Variants in DSC2 observed in about 807,000 individuals in gnomAD.
The protein encoded by DSC2 is desmocollin-2.
DSC2 carries 51 observed loss-of-function variants against 87.6 expected under a neutral mutation model. The observed-to-expected ratio is 0.58, with a 90% CI of 0.46 to 0.74. The LOEUF is 0.74. Among genes scored for constraint, DSC2 ranks in the 30% least tolerant of loss-of-function variants. The pLI is 0.00. For missense variants in DSC2, 1,066 were observed against 1,089.5 expected (o/e 0.98, Z 0.30); for synonymous variants, 383 against 393.2 (o/e 0.97, Z 0.31).
intron 7 of DSC2, among the ~76,000 whole-genome samples, chr18:31,084,735 A>G (rs1365675662): frequency 6.6e-6 from 1 of 151,880 alleles, no homozygotes; most frequent in Non-Finnish European, 1.5e-5. Flanking sequence ...TAGTTTTATG[A>G]AAGTATTTTG....
Position 31,082,804 on chromosome 18 carries a change from C to T in DSC2, c.1077+122G>A, listed in dbSNP as rs796711361. The T allele has an allele frequency of 9.9e-6, 11 of 1,112,860 alleles. No individual in the cohort carries two copies. The East Asian group carries it at 1.0e-4, about 11-fold the overall frequency. The allele number at this position is 1,112,860 out of a possible 1,614,324, so 68.9% of individuals were successfully genotyped here. A position where few individuals can be genotyped will look rare whatever the true frequency, so the allele number is the denominator to read the frequency against. The stretch of plus-strand genomic sequence containing the variant: ...AACTCCTGACCTCAGGTGATCCGCC[C>T]GCCTCGGCCTCCCAAAGTGCTGAGA... On this transcript the variant is annotated intron_variant, in intron 8 of 15. Transcript: ENST00000280904.
chr18:31,084,914 A>G (rs1007592155), intron 7 of DSC2, among the ~76,000 whole-genome samples: 1 of 152,082 alleles, frequency 6.6e-6, no homozygotes. Flanking sequence ...CAATGTGTCA[A>G]TATTTGGAAG....
At position 31,091,129 on chromosome 18, in the gene DSC2, T is replaced by C. The variant is rs369061469; in HGVS notation, c.373A>G (p.Thr125Ala). 63 of 1,613,886 alleles carry C rather than the reference T, an allele frequency of 3.9e-5. No individual in the cohort carries two copies. The highest frequency in any genetic ancestry group is 5.3e-5 in the Non-Finnish European group (62 of 1,179,918). Residue 125 changes from threonine (T) to alanine (A), a missense_variant, in exon 4 of 16, where the codon ACT becomes GCT. By Grantham distance (58) the Thr-to-Ala change is moderately conservative. Coordinates refer to ENST00000280904, the MANE Select transcript of DSC2 (RefSeq NM_024422.6). ...HQTKVLKKRH[T>A]KEKVLRRAKR... is the part of the protein sequence containing the mutation. Reference sequence around the variant, plus strand: ...GCGCGCCTTAGAACTTTTTCTTTAGTATGTCTTTTCTTTAGGACCTCAATT... The same window carrying C: ...GCGCGCCTTAGAACTTTTTCTTTAGCATGTCTTTTCTTTAGGACCTCAATT...
intron 11 of DSC2, among the ~76,000 whole-genome samples, chr18:31,075,665 A>T (rs1267550029): frequency 2.0e-5 from 3 of 152,186 alleles, no homozygotes; most frequent in African/African-American, 7.2e-5. Context: ...AGCCTGACCA[A>T]CATGGAGAAA....
intron 11 of DSC2, among the ~76,000 whole-genome samples, chr18:31,079,234 TTTTG>T (rs1987122470): frequency 6.6e-6 from 1 of 151,950 alleles, no homozygotes; most frequent in South Asian, 2.1e-4. Context: ...CAAGTTTTGT[TTTTG>T]TTTTTGTTTT....
chr18:31,065,671 C>A lies in DSC2; in HGVS notation c.*2344G>T, dbSNP rs1054302108. On this transcript the variant is annotated 3_prime_UTR_variant, in exon 16 of 16. Coordinates refer to ENST00000280904, the MANE Select transcript of DSC2 (RefSeq NM_024422.6). ...GGGAAGAAGCCAAGGAAGGGATTGA[C>A]AGGGAGAATCTAAAATACACATAAT... 6.6e-6 allele frequency: 1 copy of A among 152,070 alleles called. No individual in the cohort carries two copies. The highest frequency in any genetic ancestry group is 2.4e-5 in the African/African-American group (1 of 41,338). 9.4% of individuals were successfully genotyped at this position (152,070 alleles called of 1,614,324 possible).
At position 31,067,803 on chromosome 18, in the gene DSC2, G is replaced by T. The variant is rs1027641168; in HGVS notation, c.*212C>A. On this transcript the variant is annotated 3_prime_UTR_variant, in exon 16 of 16. Transcript: ENST00000280904. ...TCTCTGTAGACCTCCTTGGATAGAA[G>T]ATAAGTAATTTAAAAATATGTAAAA... 4.2e-5 allele frequency: 23 copies of T among 545,966 alleles called. No homozygotes were observed. The highest frequency in any genetic ancestry group is 7.1e-5 in the Non-Finnish European group (22 of 308,000). The allele number at this position is 545,966 out of a possible 1,614,324, so 33.8% of individuals were successfully genotyped here.
chr18:31,087,749 T>A lies in DSC2; in HGVS notation c.695A>T (p.Lys232Ile). The A allele has an allele frequency of 6.2e-7, 1 of 1,613,898 alleles. No individual in the cohort carries two copies. The highest frequency in any genetic ancestry group is 8.5e-7 in the Non-Finnish European group (1 of 1,179,848). ...TPELPLPLII[K>I]IEDENDNYPI... Reference sequence around the variant, plus strand: ...GTAGTTATCATTTTCATCCTCTATTTTGATTATTAGGGGCAGTGGAAGTTC... The same window carrying A: ...GTAGTTATCATTTTCATCCTCTATTATGATTATTAGGGGCAGTGGAAGTTC... Residue 232 changes from lysine to isoleucine, a missense_variant, in exon 6 of 16, where the codon AAA (lysine) becomes ATA (isoleucine). Coordinates refer to ENST00000280904, the MANE Select transcript of DSC2 (RefSeq NM_024422.6).
chr18:31,070,423 A>G (rs1266191748), intron 14 of DSC2, among the ~76,000 whole-genome samples: 1 of 152,238 alleles, frequency 6.6e-6, no homozygotes, highest in African/African-American at 2.4e-5. Flanking sequence ...TTACAGCACA[A>G]ACAGCAGTTG....
chr18:31,068,976 C>T lies in DSC2; in HGVS notation c.2426G>A (p.Cys809Tyr). ...GTCCACCTCCGTGTGTCCTCCCCTG[C>T]AGGAGTCCAGGGTGTGATGGTGGCC... ...GAGHHHTLDSCRGGHTEVDNC... is the reference protein window; with the variant it reads ...GAGHHHTLDSYRGGHTEVDNC... Residue 809 changes from cysteine to tyrosine, a missense_variant, in exon 15 of 16, where the codon TGC becomes TAC. Cys to Tyr is a radical substitution (Grantham distance 194). Coordinates refer to ENST00000280904, the MANE Select transcript of DSC2 (RefSeq NM_024422.6). The T allele has an allele frequency of 1.9e-6, 3 of 1,614,078 alleles. No individual in the cohort carries two copies. Among genetic ancestry groups the T allele is most frequent in the Non-Finnish European group, 2.5e-6 (3 of 1,179,990 alleles).
Position 31,071,841 on chromosome 18 carries a change from T to A in DSC2, c.1889A>T (p.Asp630Val), listed in dbSNP as rs1986847586. ...CTGATAGGAAAGACGTGCTGCTGTATCTGAAAATATAAATAAATAAAACCA... is the reference window on the plus strand; with the variant it reads ...CTGATAGGAAAGACGTGCTGCTGTAACTGAAAATATAAATAAATAAAACCA... Reference protein sequence around the residue: ...QRMWRLKAINDTAARLSYQND... With the variant: ...QRMWRLKAINVTAARLSYQND... Residue 630 changes from aspartate to valine, a missense_variant and splice_region_variant, in exon 13 of 16, where the codon GAT (aspartate) becomes GTT (valine). Transcript: ENST00000280904. 6.2e-7 allele frequency: 1 copy of A among 1,609,850 alleles called. No homozygotes were observed. The highest frequency in any genetic ancestry group is 8.5e-7 in the Non-Finnish European group (1 of 1,176,512).
intron 11 of DSC2, among the ~76,000 whole-genome samples, chr18:31,075,625 C>A (rs1185945641): frequency 6.6e-6 from 1 of 152,060 alleles, no homozygotes; most frequent in Admixed American, 6.5e-5. Context: ...CCGAGGTGGG[C>A]AGATCACCTG....
rs1986718176 is a variant in DSC2 at position 31,068,841 on chromosome 18, A to G, written c.2508+53T>C. On this transcript the variant is annotated intron_variant, in intron 15 of 15. Transcript: ENST00000280904. ...ATAGTCAGAATCCAGTTAGTTATTT[A>G]TAAAGTTTAAAGAAAATTAAAATAG... 11 of 1,601,080 alleles carry G rather than the reference A, an allele frequency of 6.9e-6. No individual in the cohort carries two copies. In the South Asian group the frequency reaches 1.2e-4, roughly 18 times the overall value.
chr18:31,092,319 G>A lies in DSC2; in HGVS notation c.155-19C>T. 1 of 1,602,064 alleles carries A rather than the reference G, an allele frequency of 6.2e-7. No individual in the cohort carries two copies. Among genetic ancestry groups the A allele is most frequent in the Non-Finnish European group, 8.6e-7 (1 of 1,169,534 alleles). ...AGGTTAACTGTAGAAAATATGCACA[G>A]CAATCATTTTTAAAGTAAAACATAG... is the stretch of plus-strand genomic sequence containing the variant. On this transcript the variant is annotated intron_variant, in intron 2 of 15. Transcript: ENST00000280904.
In DSC2 at chr18:31,080,304, C is replaced by G. The variant is rs960400432; in HGVS notation, c.1312G>C (p.Val438Leu). 1 of 1,614,064 alleles carries G rather than the reference C, an allele frequency of 6.2e-7. No individual in the cohort carries two copies. The highest frequency in any genetic ancestry group is 8.5e-7 in the Non-Finnish European group (1 of 1,179,966). Residue 438 changes from valine (V) to leucine (L), a missense_variant, in exon 10 of 16, where the codon GTT becomes CTT. Transcript: ENST00000280904. Reference sequence around the variant, plus strand: ...TCTCTGGAAAATGGAGCTTCATTAACTACACCAATTTGCAAGATCATCTGT... The same window carrying G: ...TCTCTGGAAAATGGAGCTTCATTAAGTACACCAATTTGCAAGATCATCTGT... Reference protein sequence around the residue: ...KQQMILQIGVVNEAPFSREAS... With the variant: ...KQQMILQIGVLNEAPFSREAS...
intron 11 of DSC2, among the ~76,000 whole-genome samples, chr18:31,077,443 C>A (rs1987061289): frequency 6.6e-6 from 1 of 152,192 alleles, no homozygotes. Context: ...AAAAACTGAA[C>A]TCTATAGTGC....
chr18:31,072,529 T>C, intron 12 of DSC2, among the ~76,000 whole-genome samples: 1 of 152,200 alleles, frequency 6.6e-6, no homozygotes, highest in Non-Finnish European at 1.5e-5. Context: ...ATAAGCATGA[T>C]GATAGGGTTT....
rs144242114 is a variant in DSC2, at chr18:31,080,266, T to C, written c.1350A>G (p.Arg450=). The stretch of plus-strand genomic sequence containing the variant: ...TAACTGTTGCTGTGCTCATGGCTGA[T>C]CTTGGACTAGCCTCTCTGGAAAATG... ...EAPFSREASP[R]SAMSTATVTV... Residue 450 remains arginine (R), a synonymous_variant, in exon 10 of 16, where the codon AGA becomes AGG. Transcript: ENST00000280904. 3.3e-3 allele frequency: 5,314 copies of C among 1,614,090 alleles called. 11 individuals are homozygous for C. The highest frequency in any genetic ancestry group is 5.1e-3 in the Middle Eastern group (31 of 6,062).
chr18:31,070,983 T>G, intron 13 of DSC2, 133 bp from the exon 14 acceptor site: 2 of 1,138,674 alleles, frequency 1.8e-6, no homozygotes, highest in East Asian at 2.6e-5. Flanking sequence ...CTGGATTGCT[T>G]GTGTCAAAGC....
Sources: gnomAD v4.1 joint callset for allele counts (sites outside exome capture counted in the v4.1 genomes callset) on GRCh38, gnomAD v4.1.1 for gene constraint, MANE v1.5 for transcripts, NCBI Gene and HGNC (gene_info 2026-07-23, HGNC 2026-07-21) for gene names.